The following HMGXB4 variants were observed in gnomAD, a reference collection of about 807,000 sequenced individuals.
The protein encoded by HMGXB4 is HMG domain-containing protein 4.
Under a neutral mutation model 63.9 loss-of-function variants are expected in HMGXB4, and 27 were observed. That is an observed-to-expected ratio of 0.42 (90% CI 0.31 to 0.58). The LOEUF (loss-of-function observed/expected upper bound fraction) is 0.58, where lower values mean the gene tolerates loss of function less well. HMGXB4 is among the 20% of genes least tolerant of loss of function. The pLI, the probability that HMGXB4 is intolerant of heterozygous loss-of-function variation, is 0.13. For synonymous variants in HMGXB4, 264 were observed against 265.3 expected, an observed-to-expected ratio of 0.99 and a Z score of 0.05; for missense variants, 624 against 700.7, an observed-to-expected ratio of 0.89 and a Z score of 1.24.
At chr22:35,276,193 G>C (rs554328609) in intron 5 of HMGXB4, among the ~76,000 whole-genome samples, 45 of 152,156 alleles carry the variant, frequency 3.0e-4, no homozygotes, top group Non-Finnish European at 5.3e-4. Flanking sequence ...CACGTGAGGC[G>C]AACAGTGTAA....
chr22:35,292,605 G>T (rs1924996739), intron 9 of HMGXB4, among the ~76,000 whole-genome samples: 1 of 152,208 alleles, frequency 6.6e-6, no homozygotes, highest in Admixed American at 6.5e-5. Context: ...GATTCTCATA[G>T]TAATCACATC....
chr22:35,289,866 T>C (rs1924822349), intron 9 of HMGXB4, among the ~76,000 whole-genome samples: 1 of 152,248 alleles, frequency 6.6e-6, no homozygotes, highest in Non-Finnish European at 1.5e-5. Context: ...TAGTAAGACA[T>C]TTCAGCAAAG....
At chr22:35,247,167 G>A in the HMGXB4 span, among the ~76,000 whole-genome samples, 1 of 152,126 alleles carries the variant, frequency 6.6e-6, no homozygotes, top group African/African-American at 2.4e-5. Flanking sequence ...TATTCCTATA[G>A]ACTGTCTTGA....
rs150044250 is a variant in HMGXB4, at chr22:35,284,850, G to C, written c.1297+807G>C. On this transcript the variant is annotated intron_variant, in intron 6 of 10. Transcript: ENST00000216106. ...CACTTAACCGCTACAAATTTCATTT[G>C]CCTAATGTGTAAAATCGCTGCCCTA... 7.7e-3 allele frequency among the ~76,000 whole-genome samples: 1,169 copies of C among 152,290 alleles called. 7 individuals carry two copies. The highest frequency in any genetic ancestry group is 0.02 in the South Asian group (97 of 4,820).
At chr22:35,285,926 C>A in intron 6 of HMGXB4, 71 bp from the exon 7 acceptor site, 1 of 1,197,334 alleles carries the variant, frequency 8.4e-7, no homozygotes, top group Non-Finnish European at 1.2e-6. Flanking sequence ...CCAGTTTTTG[C>A]TTTCACCAAT....
At chr22:35,262,548 T>TA (rs1922929033) in intron 2 of HMGXB4, 127 bp downstream of exon 2, 2 of 978,070 alleles carry the variant, frequency 2.0e-6, no homozygotes, top group Admixed American at 1.8e-5. Flanking sequence ...AGAGCACTGT[T>TA]ATGACACTCA....
Position 35,285,966 on chromosome 22 carries a change from CTGTATTGAGTG to C in HMGXB4, c.1298-29_1298-19del. 1 of 1,529,306 alleles carries C rather than the reference CTGTATTGAGTG, an allele frequency of 6.5e-7. No individual in the cohort carries two copies. The highest frequency in any genetic ancestry group is 8.9e-7 in the Non-Finnish European group (1 of 1,117,596). 94.7% of individuals were successfully genotyped at this position (1,529,306 alleles called of 1,614,324 possible). On this transcript the variant is annotated intron_variant, in intron 6 of 10. Coordinates refer to ENST00000216106, the MANE Select transcript of HMGXB4 (RefSeq NM_001003681.3). ...TATTTTGTTAATAGCTAACCCTTTA[CTGTATTGAGTG>C]TTTTACTCTTTTATGCCAGATTTTG...
the HMGXB4 span, among the ~76,000 whole-genome samples, chr22:35,241,674 C>T: frequency 2.0e-5 from 3 of 152,242 alleles, no homozygotes; most frequent in Non-Finnish European, 4.4e-5. Flanking sequence ...AAGTCAAGAA[C>T]TTCCTCAAAC....
chr22:35,246,852 C>G, the HMGXB4 span, among the ~76,000 whole-genome samples: 1 of 152,220 alleles, frequency 6.6e-6, no homozygotes, highest in Non-Finnish European at 1.5e-5. Context: ...CAGGAAGAAG[C>G]ACATCCACGC....
Position 35,293,114 on chromosome 22 carries a change from G to C in HMGXB4, c.1761G>C (p.Leu587Phe), listed in dbSNP as rs1030346740. The change falls in exon 10 of 11, where the codon TTG becomes TTC. Residue 587 changes from leucine (L) to phenylalanine (F), a missense_variant and splice_region_variant. Physicochemically the swap from Leu to Phe is conservative, Grantham distance 22. This residue lies in a region of HMGXB4 where 152 missense variants were observed against 230.1 expected (regional missense o/e 0.66). Transcript: ENST00000216106. ...TGAATGGCTGTCCCAAACAGGTCTT[G>C]GTGAGTTTTCCCTGGATTTTTAGAG... ...PELNGCPKQV[L>F]SNTLDNIAYI... The C allele has an allele frequency of 6.2e-7, 1 of 1,614,186 alleles. No individual in the cohort carries two copies. Among genetic ancestry groups the C allele is most frequent in the Non-Finnish European group, 8.5e-7 (1 of 1,180,036 alleles).
chr22:35,261,189 G>A (rs972881614), intron 1 of HMGXB4, among the ~76,000 whole-genome samples: 8 of 152,274 alleles, frequency 5.3e-5, no homozygotes, highest in Non-Finnish European at 8.8e-5. Context: ...TGTAATCCCA[G>A]CACTTTGGGA....
chr22:35,252,117 A>G, the HMGXB4 span, among the ~76,000 whole-genome samples: 9 of 152,344 alleles, frequency 5.9e-5, no homozygotes, highest in East Asian at 9.6e-4. Context: ...TGGGAGGCTA[A>G]GGCAGGACAC....
At chr22:35,259,041 A>G (rs1349054395) in intron 1 of HMGXB4, among the ~76,000 whole-genome samples, 1 of 152,246 alleles carries the variant, frequency 6.6e-6, no homozygotes, top group Admixed American at 6.5e-5. Flanking sequence ...GCTATATCTG[A>G]GGACTTTTTC....
intron 5 of HMGXB4, among the ~76,000 whole-genome samples, chr22:35,281,167 C>T (rs1924219766): frequency 6.6e-6 from 1 of 152,210 alleles, no homozygotes; most frequent in South Asian, 2.1e-4. Context: ...AATACTTTTA[C>T]TATCACATAT....
Position 35,288,257 on chromosome 22 carries a change from G to A in HMGXB4, c.1488G>A (p.Leu496=), listed in dbSNP as rs1444317592. The A allele has an allele frequency of 2.0e-5, 32 of 1,584,308 alleles. No homozygotes were observed. Among genetic ancestry groups the A allele is most frequent in the Non-Finnish European group, 2.7e-5 (32 of 1,164,794 alleles). The change falls in exon 9 of 11, where the codon CTG becomes CTA. Residue 496 remains leucine (L), a synonymous_variant. Transcript: ENST00000216106. The stretch of plus-strand genomic sequence containing the variant: ...TCTCAGCCTCTTCTGTAGGAGTACT[G>A]TCACCCCAGAAGAAGTCCCCACCCA... ...MKVKASSVGV[L]SPQKKSPPTT...
chr22:35,267,149 T>TA (rs1923307438), intron 5 of HMGXB4, among the ~76,000 whole-genome samples: 1 of 93,284 alleles, frequency 1.1e-5, no homozygotes, highest in Admixed American at 1.1e-4. Context: ...TGTGTGTGTA[T>TA]ATATAATATA....
At chr22:35,245,290 ATTAT>A in the HMGXB4 span, among the ~76,000 whole-genome samples, 1 of 129,194 alleles carries the variant, frequency 7.7e-6, no homozygotes, top group Admixed American at 7.3e-5. Context: ...TCTTCTATAT[ATTAT>A]TTATTTCTTT....
chr22:35,247,299 G>A, the HMGXB4 span, among the ~76,000 whole-genome samples: 3 of 152,148 alleles, frequency 2.0e-5, no homozygotes, highest in Admixed American at 6.5e-5. Flanking sequence ...CCTCACTCCC[G>A]AGTGCACCAC....
rs752122492 is a variant in HMGXB4, at chr22:35,264,833, A to G, written c.445A>G (p.Arg149Gly). 4.6e-5 allele frequency: 74 copies of G among 1,613,998 alleles called. No homozygotes were observed. Among genetic ancestry groups the G allele is most frequent in the Non-Finnish European group, 6.1e-5 (72 of 1,179,992 alleles). The change falls in exon 5 of 11, where the codon AGG becomes GGG. Residue 149 changes from arginine (R) to glycine (G), a missense_variant. Physicochemically the swap from Arg to Gly is moderately radical, Grantham distance 125. This residue lies in a region of HMGXB4 where 472 missense variants were observed against 470.6 expected (regional missense o/e 1.00). Coordinates refer to ENST00000216106, the MANE Select transcript of HMGXB4 (RefSeq NM_001003681.3). The part of the protein sequence containing the change: ...SHSESKKEHH[R>G]KKVSGSSGEL... ...TTCGGAGAGTAAAAAGGAGCACCAC[A>G]GGAAGAAAGTCAGTGGAAGCAGTGG...
Sources: allele counts gnomAD v4.1 joint callset (sites outside exome capture counted in the v4.1 genomes callset), GRCh38; gene constraint gnomAD v4.1.1; regional missense constraint gnomAD v4.1.1; transcripts MANE v1.5; gene names NCBI Gene and HGNC (gene_info 2026-07-23, HGNC 2026-07-21).